The following TG variants were observed in gnomAD, a reference collection of about 807,000 sequenced individuals.
The protein encoded by TG is thyroglobulin, also known as thyroid hormones.
Under a neutral mutation model 324.7 loss-of-function variants are expected in TG, and 270 were observed. That is an observed-to-expected ratio of 0.83 (90% CI 0.75 to 0.92). TG has a LOEUF of 0.92. Among genes scored for constraint, TG ranks in the 40% least tolerant of loss-of-function variants. The pLI is 0.00. For synonymous variants in TG, 1,401 were observed against 1,327.0 expected (o/e 1.06, Z -1.21); for missense variants, 3,591 against 3,456.4 (o/e 1.04, Z -0.98).
chr8:133,027,546 G>A (rs1836219153), intron 40 of TG, among the ~76,000 whole-genome samples: 1 of 152,232 alleles, frequency 6.6e-6, no homozygotes, highest in African/African-American at 2.4e-5. Flanking sequence ...CAGTGATGGG[G>A]ACCCAGACTG....
intron 41 of TG, among the ~76,000 whole-genome samples, chr8:133,062,027 T>C (rs1221007533): frequency 6.6e-6 from 1 of 152,210 alleles, no homozygotes; most frequent in Non-Finnish European, 1.5e-5. Context: ...CCGAAGACAA[T>C]GACCAGGCTC....
intron 18 of TG, among the ~76,000 whole-genome samples, chr8:132,910,888 A>G (rs1036365316): frequency 2.0e-5 from 3 of 152,074 alleles, no homozygotes; most frequent in African/African-American, 7.2e-5. Context: ...AGGCCTCACA[A>G]CCGTCTGTCT....
At chr8:133,032,740 C>A (rs549791424) in intron 41 of TG, among the ~76,000 whole-genome samples, 14 of 152,206 alleles carry the variant, frequency 9.2e-5, no homozygotes, top group Non-Finnish European at 1.6e-4. Flanking sequence ...AGTCTCTCTG[C>A]AAATCTTGGG....
intron 45 of TG, among the ~76,000 whole-genome samples, chr8:133,121,172 C>T (rs758347126): frequency 2.6e-5 from 4 of 152,128 alleles, no homozygotes; most frequent in Non-Finnish European, 4.4e-5. Flanking sequence ...GAAATCATAC[C>T]GAAGGATAGA....
At chr8:133,066,030 G>A (rs113964084) in intron 41 of TG, among the ~76,000 whole-genome samples, 45 of 152,166 alleles carry the variant, frequency 3.0e-4, no homozygotes, top group Middle Eastern at 3.4e-3. Flanking sequence ...GGAGTGAATC[G>A]CAAGGAATGT....
At chr8:133,100,748 C>G (rs2979020) in intron 43 of TG, among the ~76,000 whole-genome samples, 47,896 of 152,064 alleles carry the variant, frequency 0.31, 8,197 homozygotes, top group African/African-American at 0.44. Flanking sequence ...GAAATGTACA[C>G]AAACCCAGCT....
intron 41 of TG, among the ~76,000 whole-genome samples, chr8:133,068,680 G>A (rs560247862): frequency 3.7e-4 from 57 of 152,350 alleles, no homozygotes; most frequent in Non-Finnish European, 6.0e-4. Flanking sequence ...TGACCCAGAC[G>A]TGTCAGTACA....
At chr8:132,945,912 TTTG>T (rs1825197997) in intron 26 of TG, among the ~76,000 whole-genome samples, 1 of 152,078 alleles carries the variant, frequency 6.6e-6, no homozygotes, top group Admixed American at 6.6e-5. Context: ...ATGAGAATGT[TTTG>T]TTGGAGTGGT....
In TG at chr8:133,022,105, G is replaced by A; in HGVS notation, c.6991G>A (p.Val2331Ile). 6.2e-7 allele frequency: 1 copy of A among 1,614,120 alleles called. No homozygotes were observed. The highest frequency in any genetic ancestry group is 1.1e-5 in the South Asian group (1 of 91,082). The change falls in exon 40 of 48, where the codon GTC becomes ATC. Residue 2331 changes from valine to isoleucine, a missense_variant. By Grantham distance (29) the Val-to-Ile change is conservative. Transcript: ENST00000220616. ...GGCTGCTGTTGGCAACCTCATCGTGGTCACTGCCAGCTACCGAGTGGGTGT... is the reference window on the plus strand; with the variant it reads ...GGCTGCTGTTGGCAACCTCATCGTGATCACTGCCAGCTACCGAGTGGGTGT... ...FLAAVGNLIV[V>I]TASYRVGVFG...
chr8:132,935,633 C>A, intron 24 of TG, 123 bp from the exon 25 acceptor site: 1 of 824,056 alleles, frequency 1.2e-6, no homozygotes. Flanking sequence ...CTCCAATAGA[C>A]CAGGAGCAAC....
intron 34 of TG, among the ~76,000 whole-genome samples, chr8:132,976,643 C>T (rs1484701179): frequency 1.3e-5 from 2 of 152,192 alleles, no homozygotes; most frequent in African/African-American, 4.8e-5. Flanking sequence ...AAAAGTGCTA[C>T]AATGTCATCA....
chr8:132,995,023 T>C (rs1832737072), intron 35 of TG: 2 of 964,992 alleles, frequency 2.1e-6, no homozygotes, highest in South Asian at 5.2e-5. Flanking sequence ...TGCTGTAGCG[T>C]GTGATTTTTT....
chr8:132,982,514 C>T (rs1271813678), intron 34 of TG, among the ~76,000 whole-genome samples: 1 of 152,150 alleles, frequency 6.6e-6, no homozygotes, highest in East Asian at 1.9e-4. Context: ...AATGCTGAAA[C>T]TGAAAATAGA....
intron 40 of TG, among the ~76,000 whole-genome samples, chr8:133,028,581 A>G (rs1237765002): frequency 6.6e-6 from 1 of 152,180 alleles, no homozygotes; most frequent in Non-Finnish European, 1.5e-5. Context: ...TCCCTTTACA[A>G]ATATTAACTG....
chr8:132,993,554 A>G (rs775353074), intron 35 of TG, among the ~76,000 whole-genome samples: 20 of 152,214 alleles, frequency 1.3e-4, no homozygotes, highest in Non-Finnish European at 1.9e-4. Context: ...GTCATGCACT[A>G]CCAGTTCTAA....
In TG at chr8:133,022,041, G is replaced by A. The variant is rs777482713; in HGVS notation, c.6927G>A (p.Glu2309=). The A allele has an allele frequency of 2.5e-6, 4 of 1,614,080 alleles. No individual in the cohort carries two copies. Among genetic ancestry groups the A allele is most frequent in the Admixed American group, 3.3e-5 (2 of 60,010 alleles). ...TCTTCCACAACACCATGGACAGGGA[G>A]GAGAGTGAAGGATGGCCGGCTATCG... ...LVFFHNTMDR[E]ESEGWPAIDG... Residue 2309 remains glutamate (E), a synonymous_variant, in exon 40 of 48, where the codon GAG becomes GAA. Transcript: ENST00000220616.
Position 132,886,488 on chromosome 8 carries a change from G to T in TG, c.1116G>T (p.Leu372Phe), listed in dbSNP as rs761756429. 4 of 1,614,190 alleles carry T rather than the reference G, an allele frequency of 2.5e-6. No homozygotes were observed. Among genetic ancestry groups the T allele is most frequent in the Non-Finnish European group, 2.5e-6 (3 of 1,180,036 alleles). ...GTGCCTCCGAAAGGCAGCAGGCCTT[G>T]TCCAGACTCTACTTTGGGACCTCAG... ...QSCASERQQA[L>F]SRLYFGTSGY... The change falls in exon 9 of 48, where the codon TTG becomes TTT. Residue 372 changes from leucine (L) to phenylalanine (F), a missense_variant. By Grantham distance (22) the Leu-to-Phe change is conservative. Transcript: ENST00000220616.
chr8:133,012,121 GA>G (rs1345655024), intron 36 of TG, 86 bp downstream of exon 36: 7 of 1,572,302 alleles, frequency 4.5e-6, no homozygotes, highest in Non-Finnish European at 6.1e-6. Context: ...AAAAACACAT[GA>G]GACACTACGA....
rs556931042 is a variant in TG at position 132,998,969 on chromosome 8, T to C, written c.6263-12932T>C. Among the ~76,000 whole-genome samples, 3 of 152,200 alleles carry C rather than the reference T, an allele frequency of 2.0e-5. No individual in the cohort carries two copies. In the South Asian group the frequency reaches 6.2e-4, roughly 32 times the overall value. ...AATGGGCTTGAGGAATATGGGAGAA[T>C]GACTAGGCATTCTCAGTTAAGGATG... On this transcript the variant is annotated intron_variant, in intron 35 of 47. Coordinates refer to ENST00000220616, the MANE Select transcript of TG (RefSeq NM_003235.5).
Sources: allele counts gnomAD v4.1 joint callset (sites outside exome capture counted in the v4.1 genomes callset), GRCh38; gene constraint gnomAD v4.1.1; transcripts MANE v1.5; gene names NCBI Gene and HGNC (gene_info 2026-07-23, HGNC 2026-07-21).